Variants in STK39 observed in about 807,000 individuals in gnomAD.
The protein encoded by STK39 is serine/threonine kinase 39.
In STK39, 20 loss-of-function variants were observed where a neutral mutation model predicts 77.8. That is an observed-to-expected ratio of 0.26 (90% CI 0.18 to 0.37). The LOEUF (loss-of-function observed/expected upper bound fraction) is 0.37, where lower values mean the gene tolerates loss of function less well. STK39 is among the 10% of genes least tolerant of loss of function. The pLI is 1.00. For synonymous variants in STK39, 246 were observed against 234.1 expected, an observed-to-expected ratio of 1.05 and a Z score of -0.47; for missense variants, 479 against 656.5, an observed-to-expected ratio of 0.73 and a Z score of 2.95.
At chr2:168,099,836 T>C (rs1686773754) in intron 10 of STK39, among the ~76,000 whole-genome samples, 1 of 151,964 alleles carries the variant, frequency 6.6e-6, no homozygotes, top group South Asian at 2.1e-4. Context: ...AAAACCATAA[T>C]AGGAGACCCA....
chr2:168,181,482 C>G (rs1689081511), intron 2 of STK39, among the ~76,000 whole-genome samples: 1 of 151,818 alleles, frequency 6.6e-6, no homozygotes, highest in African/African-American at 2.4e-5. Context: ...AAAACAAACT[C>G]CTCTCATTAG....
At chr2:167,956,667 GACACAC>G (rs762455680) in intron 17 of STK39, among the ~76,000 whole-genome samples, 3 of 47,928 alleles carry the variant, frequency 6.3e-5, no homozygotes, top group East Asian at 4.6e-4. Flanking sequence ...CTTGCTTTTA[GACACAC>G]ACACACACAC....
intron 8 of STK39, among the ~76,000 whole-genome samples, chr2:168,135,808 C>G (rs777301424): frequency 1.3e-5 from 2 of 152,102 alleles, no homozygotes; most frequent in African/African-American, 4.8e-5. Context: ...CAGTCTATAG[C>G]TGCTTGGTAT....
At position 168,163,655 on chromosome 2, in the gene STK39, C is replaced by T. The variant is rs531514627; in HGVS notation, c.572+84G>A. Reference sequence around the variant, plus strand: ...CAGAGGTCACACCTGTGAATCTGACCGTTTCTGTGTAGACAGTCTAAGCCT... The same window carrying T: ...CAGAGGTCACACCTGTGAATCTGACTGTTTCTGTGTAGACAGTCTAAGCCT... On this transcript the variant is annotated intron_variant, in intron 4 of 17. Transcript: ENST00000355999. 24 of 1,603,432 alleles carry T rather than the reference C, an allele frequency of 1.5e-5. 1 individual carries two copies. The South Asian group carries it at 2.3e-4, about 16-fold the overall frequency.
chr2:168,012,669 G>A lies in STK39; in HGVS notation c.1463C>T (p.Ser488Phe). ...ATCGTGACCATCCACCAAGCCAGCA[G>A]AGAAGAGCTCCTGAGATACACCATC... ...TADGVSQELF[S>F]AGLVDGHDVV... Residue 488 changes from serine to phenylalanine, a missense_variant, in exon 16 of 18, where the codon TCT (serine) becomes TTT (phenylalanine). By Grantham distance (155) the Ser-to-Phe change is radical. This residue lies in a region of STK39 where 244 missense variants were observed against 296.8 expected (regional missense o/e 0.82). Coordinates refer to ENST00000355999, the MANE Select transcript of STK39 (RefSeq NM_013233.3). The A allele has an allele frequency of 6.2e-7, 1 of 1,613,794 alleles. No individual in the cohort carries two copies. Among genetic ancestry groups the A allele is most frequent in the Non-Finnish European group, 8.5e-7 (1 of 1,179,802 alleles).
At chr2:168,154,377 A>C (rs1265349119) in intron 5 of STK39, among the ~76,000 whole-genome samples, 2 of 152,222 alleles carry the variant, frequency 1.3e-5, no homozygotes, top group Non-Finnish European at 2.9e-5. Context: ...AAGGACAGTA[A>C]GTTAATGACC....
intron 17 of STK39, among the ~76,000 whole-genome samples, chr2:167,959,422 G>A (rs1691879353): frequency 6.6e-6 from 1 of 151,960 alleles, no homozygotes; most frequent in Non-Finnish European, 1.5e-5. Flanking sequence ...ACCGCGCCCG[G>A]CCATCAGCTT....
chr2:168,161,876 G>A, intron 4 of STK39, 34 bp from the exon 5 acceptor site: 1 of 1,535,522 alleles, frequency 6.5e-7, no homozygotes, highest in Non-Finnish European at 8.9e-7. Flanking sequence ...TAAATTGTAG[G>A]GTACAGACTT....
rs1009595412 is a variant in STK39 at position 168,120,396 on chromosome 2, G to A, written c.1089+9145C>T. 3.3e-5 allele frequency among the ~76,000 whole-genome samples: 5 copies of A among 152,090 alleles called. No homozygotes were observed. In the East Asian group the frequency reaches 7.7e-4, roughly 23 times the overall value. ...AGATGCTATGCCCACATACCAAAGC[G>A]CTTATTCTCTATTACTCTTTGAGTT... On this transcript the variant is annotated intron_variant, in intron 10 of 17. Transcript: ENST00000355999.
chr2:168,172,612 T>C (rs1688856435), intron 2 of STK39, among the ~76,000 whole-genome samples: 1 of 151,184 alleles, frequency 6.6e-6, no homozygotes, highest in Non-Finnish European at 1.5e-5. Context: ...ATTTCTTTTG[T>C]TCCTAAGACC....
At chr2:168,170,720 C>T (rs576142882) in intron 2 of STK39, among the ~76,000 whole-genome samples, 2 of 152,224 alleles carry the variant, frequency 1.3e-5, no homozygotes, top group South Asian at 2.1e-4. Flanking sequence ...GCAAGGAAGC[C>T]GACAGTGTCA....
intron 1 of STK39, among the ~76,000 whole-genome samples, chr2:168,206,364 G>C (rs1188291505): frequency 2.0e-5 from 3 of 150,680 alleles, no homozygotes; most frequent in African/African-American, 2.4e-5. Flanking sequence ...GCAATGGCGC[G>C]ATCTCAGCTC....
At chr2:167,973,363 G>A (rs542219251) in intron 16 of STK39, among the ~76,000 whole-genome samples, 1 of 152,286 alleles carries the variant, frequency 6.6e-6, no homozygotes, top group Non-Finnish European at 1.5e-5. Flanking sequence ...TTAGATTCTA[G>A]ATAAGGCCTG....
At chr2:168,246,578 G>A (rs368909769) in intron 1 of STK39, among the ~76,000 whole-genome samples, 31 of 152,328 alleles carry the variant, frequency 2.0e-4, no homozygotes, top group African/African-American at 6.3e-4. Flanking sequence ...TGGCACGGAG[G>A]GAGGCGGGTA....
chr2:168,040,804 T>C (rs192678693), intron 14 of STK39, among the ~76,000 whole-genome samples: 1 of 152,250 alleles, frequency 6.6e-6, no homozygotes, highest in Non-Finnish European at 1.5e-5. Flanking sequence ...TGTATATGTT[T>C]ATCTTCTCTC....
intron 16 of STK39, among the ~76,000 whole-genome samples, chr2:167,989,625 T>G (rs1256508568): frequency 6.6e-6 from 1 of 152,160 alleles, no homozygotes; most frequent in Non-Finnish European, 1.5e-5. Context: ...AAATGCAGAA[T>G]AATCAAGAAA....
intron 17 of STK39, among the ~76,000 whole-genome samples, chr2:167,961,292 A>G (rs1224395342): frequency 6.6e-6 from 1 of 152,234 alleles, no homozygotes; most frequent in African/African-American, 2.4e-5. Context: ...GAAAATGCTT[A>G]TGAAATTTCT....
chr2:168,107,743 T>C (rs1426009345), intron 10 of STK39, among the ~76,000 whole-genome samples: 2 of 152,226 alleles, frequency 1.3e-5, no homozygotes, highest in Non-Finnish European at 2.9e-5. Context: ...GAAAATTTAC[T>C]CATTTTCACA....
rs141741655 is a variant in STK39, at chr2:167,955,468, A to AGATCAG, written c.*22_*27dup. On this transcript the variant is annotated 3_prime_UTR_variant, in exon 18 of 18. Transcript: ENST00000355999. ...AGTAGGGGTGGCGGTGGGGCATGAC[A>AGATCAG]GATCAGGGTGACATCAAGGGACATA... 4,652 of 1,611,814 alleles carry AGATCAG rather than the reference A, an allele frequency of 2.9e-3. 132 individuals are homozygous for AGATCAG. In the African/African-American group the frequency reaches 0.056, roughly 19 times the overall value.
Sources: gnomAD v4.1 joint callset for allele counts (sites outside exome capture counted in the v4.1 genomes callset) on GRCh38, gnomAD v4.1.1 for gene constraint, gnomAD v4.1.1 regional missense constraint, MANE v1.5 for transcripts, NCBI Gene and HGNC (gene_info 2026-07-23, HGNC 2026-07-21) for gene names.